Variants in LRCH3 observed in about 807,000 individuals in gnomAD.
LRCH3 encodes DISP complex protein LRCH3.
In LRCH3, 68 loss-of-function variants were observed where a neutral mutation model predicts 104.5. The observed-to-expected ratio is 0.65, with a 90% CI of 0.54 to 0.80. The LOEUF (loss-of-function observed/expected upper bound fraction) is 0.80, where lower values mean the gene tolerates loss of function less well. Among genes scored for constraint, LRCH3 ranks in the 30% least tolerant of loss-of-function variants. The pLI is 0.00. For missense variants in LRCH3, 951 were observed against 953.9 expected (o/e 1.00, Z 0.04); for synonymous variants, 344 against 361.3 (o/e 0.95, Z 0.54).
intron 20 of LRCH3, chr3:197,882,400 A>G (rs1442037289): frequency 1.0e-6 from 1 of 977,500 alleles, no homozygotes; most frequent in Non-Finnish European, 1.2e-6. Flanking sequence ...TTTTATCAAA[A>G]TAAGTATTAA....
At chr3:197,857,709 T>TAA (rs2109447337) in intron 14 of LRCH3, among the ~76,000 whole-genome samples, 1 of 152,348 alleles carries the variant, frequency 6.6e-6, no homozygotes, top group East Asian at 1.9e-4. Flanking sequence ...TACCTTTGAT[T>TAA]AAAAAGCAGG....
chr3:197,869,001 TCAAA>T (rs939391836), intron 17 of LRCH3, among the ~76,000 whole-genome samples: 27 of 152,222 alleles, frequency 1.8e-4, no homozygotes, highest in African/African-American at 6.5e-4. Flanking sequence ...GTGGATGTAA[TCAAA>T]CAAAAGTAGT....
intron 1 of LRCH3, among the ~76,000 whole-genome samples, chr3:197,813,655 C>G: frequency 6.6e-6 from 1 of 151,044 alleles, no homozygotes; most frequent in South Asian, 2.1e-4. Flanking sequence ...CTCAGCCTCC[C>G]GAGTAGCTGG....
intron 9 of LRCH3, among the ~76,000 whole-genome samples, chr3:197,837,551 A>G (rs1352603698): frequency 6.6e-6 from 1 of 152,190 alleles, no homozygotes; most frequent in Non-Finnish European, 1.5e-5. Context: ...ACTATCTAAA[A>G]ATGGAATGTT....
intron 10 of LRCH3, among the ~76,000 whole-genome samples, chr3:197,845,858 C>G (rs200502923): frequency 6.6e-6 from 1 of 152,136 alleles, no homozygotes; most frequent in Non-Finnish European, 1.5e-5. Context: ...TGAGCGAGAT[C>G]GTGCCACTGC....
chr3:197,814,276 C>T (rs1380265857), intron 1 of LRCH3, among the ~76,000 whole-genome samples: 1 of 152,202 alleles, frequency 6.6e-6, no homozygotes, highest in East Asian at 1.9e-4. Context: ...CTGATAAACC[C>T]GTAAGATCTC....
At chr3:197,832,990 G>T (rs1736164534) in intron 8 of LRCH3, among the ~76,000 whole-genome samples, 1 of 152,038 alleles carries the variant, frequency 6.6e-6, no homozygotes, top group Non-Finnish European at 1.5e-5. Context: ...TCCGAGGAGA[G>T]CTTTCATTTC....
chr3:197,841,163 C>G (rs938078065), intron 10 of LRCH3, among the ~76,000 whole-genome samples: 1 of 152,218 alleles, frequency 6.6e-6, no homozygotes, highest in Admixed American at 6.5e-5. Flanking sequence ...AGGCCAAAGT[C>G]AGGGTATCGG....
At chr3:197,874,064 GTGT>G (rs1471821619) in intron 19 of LRCH3, among the ~76,000 whole-genome samples, 1 of 150,786 alleles carries the variant, frequency 6.6e-6, no homozygotes, top group African/African-American at 2.4e-5. Context: ...AATGAATCAA[GTGT>G]TGTAGTTACA....
At chr3:197,871,498 T>C in intron 19 of LRCH3, 36 bp downstream of exon 19, 1 of 1,608,552 alleles carries the variant, frequency 6.2e-7, no homozygotes, top group Non-Finnish European at 8.5e-7. Flanking sequence ...TGGCTATTCA[T>C]CAGACATTTG....
chr3:197,832,392 T>C, intron 8 of LRCH3, 75 bp downstream of exon 8: 6 of 1,503,144 alleles, frequency 4.0e-6, no homozygotes, highest in Non-Finnish European at 1.8e-6. Flanking sequence ...TCATACCCAC[T>C]CCTTTTGTTG....
intron 1 of LRCH3, among the ~76,000 whole-genome samples, chr3:197,803,643 C>T (rs1732139879): frequency 6.6e-6 from 1 of 151,424 alleles, no homozygotes; most frequent in African/African-American, 2.4e-5. Context: ...CTAGCTTAGG[C>T]CACAGAGTGA....
At chr3:197,830,698 T>G in intron 6 of LRCH3, 72 bp from the exon 7 acceptor site, 1 of 1,247,400 alleles carries the variant, frequency 8.0e-7, no homozygotes, top group Non-Finnish European at 1.2e-6. Context: ...TTTTAGAAAA[T>G]TGATCTGTTT....
At chr3:197,805,880 A>G (rs1455882167) in intron 1 of LRCH3, among the ~76,000 whole-genome samples, 2 of 152,152 alleles carry the variant, frequency 1.3e-5, no homozygotes, top group African/African-American at 4.8e-5. Context: ...GGAAGTGTAC[A>G]TACAGAGTTT....
chr3:197,831,037 C>A lies in LRCH3; in HGVS notation c.981+174C>A, dbSNP rs576174539. 369 of 529,082 alleles carry A rather than the reference C, an allele frequency of 7.0e-4. 8 individuals carry two copies. The South Asian group carries it at 8.7e-3, about 13-fold the overall frequency. 32.8% of individuals were successfully genotyped at this position (529,082 alleles called of 1,614,324 possible). ...CAGAATTGGCATTCTGCGTCCTTAC[C>A]GGCTTTCTGTCACGTGGATTTCCGC... On this transcript the variant is annotated intron_variant, in intron 7 of 20. Coordinates refer to ENST00000425562, the MANE Select transcript of LRCH3 (RefSeq NM_001365715.1).
intron 1 of LRCH3, among the ~76,000 whole-genome samples, chr3:197,812,353 GAAT>G (rs2109166647): frequency 6.6e-6 from 1 of 152,074 alleles, no homozygotes; most frequent in Admixed American, 6.6e-5. Context: ...TTTGAATGTA[GAAT>G]AATATTCCAT....
chr3:197,797,112 G>A (rs185613270), intron 1 of LRCH3, among the ~76,000 whole-genome samples: 3 of 152,052 alleles, frequency 2.0e-5, no homozygotes, highest in East Asian at 1.9e-4. Flanking sequence ...CAGATCACCC[G>A]ATGTCAGGAG....
rs532236522 is a variant in LRCH3, at chr3:197,885,314, T to G, written c.*1648T>G. ...AGTTTCTGTGGCTGAATTTAAGCAC[T>G]TACAGCATCTTCCTAGCTGGGTGTG... On this transcript the variant is annotated 3_prime_UTR_variant, in exon 21 of 21. Coordinates refer to ENST00000425562, the MANE Select transcript of LRCH3 (RefSeq NM_001365715.1). 2 of 152,346 alleles carry G rather than the reference T, an allele frequency of 1.3e-5. No homozygotes were observed. Among genetic ancestry groups the G allele is most frequent in the Admixed American group, 6.5e-5 (1 of 15,298 alleles). 9.4% of individuals were successfully genotyped at this position (152,346 alleles called of 1,614,324 possible).
At chr3:197,839,988 A>G (rs563402283) in intron 10 of LRCH3, among the ~76,000 whole-genome samples, 34 of 151,256 alleles carry the variant, frequency 2.2e-4, no homozygotes, top group Admixed American at 1.6e-3. Flanking sequence ...AAAAAAAAAT[A>G]CAAAATACAA....
Sources: gnomAD v4.1 joint callset for allele counts (sites outside exome capture counted in the v4.1 genomes callset) on GRCh38, gnomAD v4.1.1 for gene constraint, MANE v1.5 for transcripts, NCBI Gene and HGNC (gene_info 2026-07-23, HGNC 2026-07-21) for gene names.